The following ADGRE3 variants were observed in gnomAD, a reference collection of about 807,000 sequenced individuals.
The protein encoded by ADGRE3 is adhesion G protein-coupled receptor E3, also known as EGF-like module receptor 3.
ADGRE3 carries 88 observed loss-of-function variants against 80.1 expected under a neutral mutation model. The ratio of observed to expected loss-of-function variants is 1.10; its 90% CI spans 0.93 to 1.31. The LOEUF (loss-of-function observed/expected upper bound fraction) is 1.31. Among genes scored for constraint, ADGRE3 ranks in the 40% most tolerant of loss-of-function variants. ADGRE3 has a pLI of 0.00. For synonymous variants in ADGRE3, 281 were observed against 294.8 expected (o/e 0.95, Z 0.48); for missense variants, 715 against 776.5 (o/e 0.92, Z 0.94).
the ADGRE3 span, chr19:14,606,861 C>G: frequency 1.1e-5 from 4 of 360,906 alleles, no homozygotes; most frequent in South Asian, 5.5e-4. Context: ...GTTCTGCATA[C>G]CATGGGGACG....
At chr19:14,609,467 A>G in the ADGRE3 span, among the ~76,000 whole-genome samples, 4 of 152,154 alleles carry the variant, frequency 2.6e-5, no homozygotes, top group East Asian at 1.9e-4. Flanking sequence ...GATCTAAACA[A>G]TTCCTAGAAG....
At chr19:14,621,415 A>G (rs937269952) in intron 15 of ADGRE3, among the ~76,000 whole-genome samples, 1 of 151,870 alleles carries the variant, frequency 6.6e-6, no homozygotes, top group Non-Finnish European at 1.5e-5. Context: ...AGATTGCACC[A>G]CTGTATTCTA....
chr19:14,611,482 A>C, the ADGRE3 span, among the ~76,000 whole-genome samples: 3 of 144,754 alleles, frequency 2.1e-5, no homozygotes, highest in Admixed American at 2.2e-4. Context: ...GGCTCGAGTG[A>C]TCCTCCTGCC....
At chr19:14,673,944 C>T (rs1049733734) in intron 1 of ADGRE3, among the ~76,000 whole-genome samples, 1 of 152,144 alleles carries the variant, frequency 6.6e-6, no homozygotes, top group Non-Finnish European at 1.5e-5. Context: ...CATGTGTCCA[C>T]ATTATTTAGC....
At chr19:14,638,540 A>G (rs1971164871) in intron 10 of ADGRE3, among the ~76,000 whole-genome samples, 200 bp from the exon 11 acceptor site, 1 of 152,048 alleles carries the variant, frequency 6.6e-6, no homozygotes, top group South Asian at 2.1e-4. Context: ...GCTTGAGCCC[A>G]GGAGTTTGAG....
intron 15 of ADGRE3, among the ~76,000 whole-genome samples, chr19:14,620,487 A>ATATATATGTATATTCATG (rs1970531424): frequency 3.4e-5 from 1 of 29,116 alleles, no homozygotes. Context: ...GTACATATGA[A>ATATATATGTATATTCATG]TATATATGAA....
intron 1 of ADGRE3, 62 bp from the exon 2 acceptor site, chr19:14,668,914 T>G: frequency 7.3e-5 from 108 of 1,481,708 alleles, no homozygotes; most frequent in Middle Eastern, 1.7e-4. Flanking sequence ...TTCCAAGAAA[T>G]GCCCCAAGGA....
At chr19:14,636,957 G>T (rs1456466258) in intron 11 of ADGRE3, among the ~76,000 whole-genome samples, 1 of 152,054 alleles carries the variant, frequency 6.6e-6, no homozygotes, top group African/African-American at 2.4e-5. Context: ...AGCTGGGCGT[G>T]GTTGTGGGCA....
the ADGRE3 span, chr19:14,607,205 GTTTC>G: frequency 5.9e-5 from 24 of 406,100 alleles, no homozygotes; most frequent in Admixed American, 1.9e-4. Context: ...GTCAGGAGCT[GTTTC>G]TTTTTTTTTT....
intron 6 of ADGRE3, 89 bp downstream of exon 6, chr19:14,654,893 T>G: frequency 1.0e-6 from 1 of 957,052 alleles, no homozygotes; most frequent in Non-Finnish European, 1.6e-6. Context: ...ACTCATGTGG[T>G]GTATTCAATT....
At chr19:14,621,532 T>TCAAGTGATCC (rs1311782629) in intron 15 of ADGRE3, 2 of 572,908 alleles carry the variant, frequency 3.5e-6, no homozygotes, top group African/African-American at 2.7e-5. Flanking sequence ...ACTCCTGGAC[T>TCAAGTGATCC]TGAGTAAAAC....
intron 10 of ADGRE3, among the ~76,000 whole-genome samples, chr19:14,640,709 A>G (rs1034364051): frequency 1.3e-5 from 2 of 152,042 alleles, no homozygotes; most frequent in African/African-American, 4.8e-5. Flanking sequence ...GCACTCCCAT[A>G]ATTCCCAAAT....
the ADGRE3 span, among the ~76,000 whole-genome samples, chr19:14,607,430 C>G: frequency 1.3e-5 from 2 of 151,778 alleles, no homozygotes; most frequent in South Asian, 2.1e-4. Flanking sequence ...GTCTTGATCT[C>G]CTGACCTCGT....
chr19:14,613,168 C>T, the ADGRE3 span, among the ~76,000 whole-genome samples: 27 of 151,898 alleles, frequency 1.8e-4, no homozygotes, highest in Admixed American at 1.1e-3. Flanking sequence ...TCAAGTGATC[C>T]GCCCACCTCA....
At chr19:14,620,570 T>TATA (rs1568471750) in intron 15 of ADGRE3, among the ~76,000 whole-genome samples, 3 of 7,732 alleles carry the variant, frequency 3.9e-4, no homozygotes, top group East Asian at 5.8e-3. Context: ...ATATATATAT[T>TATA]TTTTTTTTTT....
intron 6 of ADGRE3, among the ~76,000 whole-genome samples, chr19:14,652,058 G>C (rs1021194265): frequency 2.6e-5 from 4 of 152,020 alleles, no homozygotes; most frequent in African/African-American, 9.6e-5. Flanking sequence ...AAGTAAGTAA[G>C]TAAATAAATA....
At chr19:14,626,207 C>T (rs377247276) in intron 14 of ADGRE3, among the ~76,000 whole-genome samples, 234 of 152,038 alleles carry the variant, frequency 1.5e-3, no homozygotes, top group Middle Eastern at 6.8e-3. Context: ...GAGGCCGAGG[C>T]GGGTGGATCA....
rs1972016886 is a variant in ADGRE3 at position 14,663,665 on chromosome 19, C to A, written c.77-125G>T. On this transcript the variant is annotated intron_variant, in intron 2 of 15. Transcript: ENST00000253673. The stretch of plus-strand genomic sequence containing the variant: ...AGCAGCCTGGCCAACATACTGAAAC[C>A]CCATTTCTACTAAAAATACCAAAAA... 7.7e-6 allele frequency: 9 copies of A among 1,165,186 alleles called. No individual in the cohort carries two copies. In the East Asian group the frequency reaches 2.3e-4, roughly 29 times the overall value. 72.2% of individuals were successfully genotyped at this position (1,165,186 alleles called of 1,614,324 possible).
At chr19:14,671,322 G>A (rs1972251019) in intron 1 of ADGRE3, among the ~76,000 whole-genome samples, 1 of 152,048 alleles carries the variant, frequency 6.6e-6, no homozygotes, top group African/African-American at 2.4e-5. Context: ...GAAGCTCTAG[G>A]GGAGAATCTG....
Sources: allele counts gnomAD v4.1 joint callset (sites outside exome capture counted in the v4.1 genomes callset), GRCh38; gene constraint gnomAD v4.1.1; transcripts MANE v1.5; gene names NCBI Gene and HGNC (gene_info 2026-07-23, HGNC 2026-07-21).